The following RGS6 variants were observed in gnomAD, a reference collection of about 807,000 sequenced individuals.
The protein encoded by RGS6 is regulator of G protein signaling 6.
RGS6 carries 30 observed loss-of-function variants against 78.5 expected under a neutral mutation model. The observed-to-expected ratio is 0.38, with a 90% CI of 0.29 to 0.52. RGS6 has a LOEUF of 0.52. RGS6 is among the 20% of genes least tolerant of loss of function. The probability of loss-of-function intolerance (pLI) is 0.85; values close to 1 mark genes in which losing one functional copy is unlikely to be tolerated. For missense variants in RGS6, 495 were observed against 609.7 expected (o/e 0.81, Z 1.98); for synonymous variants, 206 against 206.0 (o/e 1.00, Z 0.00).
intron 7 of RGS6, chr14:72,469,777 A>G: frequency 2.3e-6 from 1 of 434,544 alleles, no homozygotes; most frequent in South Asian, 4.5e-5. Context: ...AATCAGGTGA[A>G]CCATAGAGAC....
the RGS6 span, among the ~76,000 whole-genome samples, chr14:71,917,836 A>C: frequency 6.6e-6 from 1 of 151,976 alleles, no homozygotes; most frequent in Non-Finnish European, 1.5e-5. Context: ...CTAACTGCAA[A>C]TGTTACCAGC....
chr14:72,233,902 G>C (rs1046795774), intron 2 of RGS6, among the ~76,000 whole-genome samples: 1 of 152,172 alleles, frequency 6.6e-6, no homozygotes, highest in Non-Finnish European at 1.5e-5. Flanking sequence ...TGGTGATGGG[G>C]TGAAGGACCG....
At chr14:72,078,230 G>A (rs2094663376) in intron 2 of RGS6, among the ~76,000 whole-genome samples, 1 of 152,008 alleles carries the variant, frequency 6.6e-6, no homozygotes, top group Non-Finnish European at 1.5e-5. Flanking sequence ...CCTTGCTCTT[G>A]CACCGGCCAT....
At chr14:72,557,215 A>AAAT (rs2097592055) in intron 17 of RGS6, among the ~76,000 whole-genome samples, 2 of 150,938 alleles carry the variant, frequency 1.3e-5, no homozygotes, top group South Asian at 2.1e-4. Flanking sequence ...GGGTGATAAG[A>AAAT]AATAGAGAAT....
chr14:72,504,935 T>G (rs1000335848), intron 13 of RGS6, among the ~76,000 whole-genome samples: 1 of 138,670 alleles, frequency 7.2e-6, no homozygotes. Context: ...TTTTTTTTTT[T>G]TTTTTTTTTT....
intron 2 of RGS6, among the ~76,000 whole-genome samples, chr14:72,011,582 TAAAA>T (rs57661696): frequency 6.6e-6 from 1 of 150,910 alleles, no homozygotes; most frequent in East Asian, 1.9e-4. Flanking sequence ...CTCAAAAATA[TAAAA>T]AAAAAAAATA....
intron 2 of RGS6, among the ~76,000 whole-genome samples, chr14:72,095,163 C>A (rs2095372895): frequency 1.3e-5 from 2 of 152,040 alleles, no homozygotes; most frequent in South Asian, 4.1e-4. Context: ...TATGTTTGAG[C>A]AGCTATGATT....
In RGS6 at chr14:72,562,464, C is replaced by T. The variant is rs539165461; in HGVS notation, c.1470C>T (p.Ser490=). 2.5e-6 allele frequency: 4 copies of T among 1,612,588 alleles called. No homozygotes were observed. The highest frequency in any genetic ancestry group is 1.1e-5 in the South Asian group (1 of 91,088). ...GKRLTGLMQS[S] is the part of the protein sequence containing the mutation. Reference sequence around the variant, plus strand: ...GCCTCACGGGCCTGATGCAGTCCTCCTGACCGTTCCTACCGCAGGTCCAGG... The same window carrying T: ...GCCTCACGGGCCTGATGCAGTCCTCTTGACCGTTCCTACCGCAGGTCCAGG... Residue 490 remains serine (S), a synonymous_variant, in exon 18 of 18, where the codon TCC becomes TCT. Coordinates refer to ENST00000553525, the MANE Select transcript of RGS6 (RefSeq NM_001204424.2).
chr14:72,041,823 T>A (rs1240392704), intron 2 of RGS6, among the ~76,000 whole-genome samples: 2 of 152,124 alleles, frequency 1.3e-5, no homozygotes. Context: ...ATCTGGGGCA[T>A]CCTATTTTGT....
At chr14:72,007,026 G>T (rs190457854) in intron 2 of RGS6, among the ~76,000 whole-genome samples, 1 of 146,770 alleles carries the variant, frequency 6.8e-6, no homozygotes. Context: ...TTACGTAGTG[G>T]CAAAAAAAAG....
At chr14:72,579,857 T>C in the RGS6 span, among the ~76,000 whole-genome samples, 1 of 152,170 alleles carries the variant, frequency 6.6e-6, no homozygotes, top group Non-Finnish European at 1.5e-5. Context: ...GTAAATGTCA[T>C]GTTAGTGTGG....
chr14:72,248,384 TCATAAAA>T (rs1408572288), intron 2 of RGS6, among the ~76,000 whole-genome samples: 1 of 152,188 alleles, frequency 6.6e-6, no homozygotes, highest in Non-Finnish European at 1.5e-5. Flanking sequence ...GAGTAATAAT[TCATAAAA>T]ATTTCCTATT....
intron 17 of RGS6, chr14:72,540,363 C>T: frequency 6.9e-7 from 1 of 1,457,500 alleles, no homozygotes; most frequent in Non-Finnish European, 9.0e-7. Flanking sequence ...ATCATCTGTT[C>T]AGGGCTTTGA....
At chr14:72,235,187 G>A (rs2050696008) in intron 2 of RGS6, among the ~76,000 whole-genome samples, 2 of 152,224 alleles carry the variant, frequency 1.3e-5, no homozygotes, top group South Asian at 4.1e-4. Flanking sequence ...GTAGGAGTAT[G>A]CGTGGATTGA....
intron 3 of RGS6, among the ~76,000 whole-genome samples, chr14:72,410,394 T>C (rs985391035): frequency 5.2e-4 from 79 of 152,338 alleles, no homozygotes; most frequent in African/African-American, 1.6e-3. Context: ...TCATATCCTT[T>C]GCCCACTTGT....
intron 2 of RGS6, among the ~76,000 whole-genome samples, chr14:72,261,995 G>A (rs989346792): frequency 3.3e-5 from 5 of 151,492 alleles, no homozygotes; most frequent in Admixed American, 2.6e-4. Context: ...TGTAATTCAT[G>A]ATTTATATAA....
intron 2 of RGS6, among the ~76,000 whole-genome samples, chr14:72,033,379 A>G (rs1392194870): frequency 2.0e-5 from 3 of 152,014 alleles, no homozygotes; most frequent in Non-Finnish European, 2.9e-5. Context: ...GACTACAGGC[A>G]TGAGCCACCA....
At chr14:72,539,918 C>A in intron 16 of RGS6, 123 bp from the exon 17 acceptor site, 3 of 799,360 alleles carry the variant, frequency 3.8e-6, no homozygotes, top group South Asian at 1.9e-5. Context: ...CCATTTTTCG[C>A]CCCATTTTGC....
the RGS6 span, chr14:72,629,746 G>A: frequency 2.8e-5 from 43 of 1,534,016 alleles, no homozygotes; most frequent in Non-Finnish European, 2.0e-5. Context: ...CCTGGAGGAA[G>A]CCAGAAACAA....
Sources: allele counts gnomAD v4.1 joint callset (sites outside exome capture counted in the v4.1 genomes callset), GRCh38; gene constraint gnomAD v4.1.1; transcripts MANE v1.5; gene names NCBI Gene and HGNC (gene_info 2026-07-23, HGNC 2026-07-21).